Variants in FHIT observed in about 807,000 individuals in gnomAD.
FHIT encodes the protein fragile histidine triad diadenosine triphosphatase.
Under a neutral mutation model 17.9 loss-of-function variants are expected in FHIT, and 19 were observed. That is an observed-to-expected ratio of 1.06 (90% CI 0.74 to 1.56). The LOEUF (loss-of-function observed/expected upper bound fraction) is 1.56, where lower values mean the gene tolerates loss of function less well. Among genes scored for constraint, FHIT ranks in the 40% most tolerant of loss-of-function variants. The pLI is 0.00. For synonymous variants in FHIT, 81 were observed against 69.7 expected (o/e 1.16, Z -0.81); for missense variants, 248 against 189.2 (o/e 1.31, Z -1.82).
chr3:61,037,177 C>A (rs1393856234), intron 3 of FHIT, among the ~76,000 whole-genome samples: 1 of 152,128 alleles, frequency 6.6e-6, no homozygotes, highest in Non-Finnish European at 1.5e-5. Context: ...TCCCAAAGTG[C>A]TCGGATTACA....
intron 5 of FHIT, among the ~76,000 whole-genome samples, chr3:60,433,674 T>C (rs1419505902): frequency 6.6e-6 from 1 of 152,144 alleles, no homozygotes. Context: ...TGATTAGTAA[T>C]GGTGAACATC....
At chr3:60,755,839 C>T (rs1371435137) in intron 4 of FHIT, among the ~76,000 whole-genome samples, 2 of 152,236 alleles carry the variant, frequency 1.3e-5, no homozygotes, top group African/African-American at 4.8e-5. Context: ...TTATTCAGTA[C>T]CTATCAAGAG....
At chr3:60,057,913 G>A (rs1306437833) in intron 5 of FHIT, among the ~76,000 whole-genome samples, 4 of 151,934 alleles carry the variant, frequency 2.6e-5, no homozygotes, top group Non-Finnish European at 5.9e-5. Context: ...CCTTCTTCTT[G>A]GCAATACTCA....
chr3:61,177,081 G>A (rs1009486969), intron 2 of FHIT, among the ~76,000 whole-genome samples: 9 of 151,956 alleles, frequency 5.9e-5, no homozygotes, highest in Non-Finnish European at 1.3e-4. Flanking sequence ...GGAGGCTGAG[G>A]CAGGAGAATG....
At chr3:60,069,408 T>C (rs1375980325) in intron 5 of FHIT, among the ~76,000 whole-genome samples, 1 of 152,184 alleles carries the variant, frequency 6.6e-6, no homozygotes, top group African/African-American at 2.4e-5. Context: ...AAAGTTAAAA[T>C]TTCTAATGTA....
At chr3:60,122,886 A>C (rs1237392843) in intron 5 of FHIT, among the ~76,000 whole-genome samples, 1 of 152,202 alleles carries the variant, frequency 6.6e-6, no homozygotes, top group African/African-American at 2.4e-5. Context: ...TTAAGTCATA[A>C]GGGATCTGAA....
chr3:60,306,209 A>T (rs919153955), intron 5 of FHIT, among the ~76,000 whole-genome samples: 3 of 152,176 alleles, frequency 2.0e-5, no homozygotes, highest in Non-Finnish European at 2.9e-5. Context: ...CTGACTTTTG[A>T]TTAGAACTAG....
At chr3:60,441,754 A>ATGTT (rs1401129617) in intron 5 of FHIT, among the ~76,000 whole-genome samples, 1 of 46,384 alleles carries the variant, frequency 2.2e-5, no homozygotes, top group Non-Finnish European at 4.0e-5. Flanking sequence ...TTATATATAT[A>ATGTT]AAAATATATA....
intron 5 of FHIT, among the ~76,000 whole-genome samples, chr3:60,175,710 C>T (rs995772486): frequency 6.6e-6 from 1 of 152,122 alleles, no homozygotes; most frequent in Admixed American, 6.5e-5. Flanking sequence ...GCAACAAGAA[C>T]ACCTCTACCT....
chr3:60,383,456 G>A (rs1025651748), intron 5 of FHIT, among the ~76,000 whole-genome samples: 2 of 152,010 alleles, frequency 1.3e-5, no homozygotes, highest in African/African-American at 4.8e-5. Context: ...ATAATTGGAG[G>A]TGAGAGTGCT....
At chr3:60,226,484 A>AAACAACAACAAAAAAAAAAAC (rs1412585902) in intron 5 of FHIT, among the ~76,000 whole-genome samples, 1 of 150,952 alleles carries the variant, frequency 6.6e-6, no homozygotes, top group African/African-American at 2.4e-5. Context: ...AAAAAAAAAA[A>AAACAACAACAAAAAAAAAAAC]AAAAAAAAAA....
chr3:60,765,958 G>A (rs1431361851), intron 4 of FHIT, among the ~76,000 whole-genome samples: 1 of 152,108 alleles, frequency 6.6e-6, no homozygotes. Flanking sequence ...TCAGGAACTT[G>A]CAACAGTGGC....
chr3:61,129,097 A>T (rs566477947), intron 2 of FHIT, among the ~76,000 whole-genome samples: 1 of 152,340 alleles, frequency 6.6e-6, no homozygotes, highest in Admixed American at 6.5e-5. Context: ...TTGTAAATAA[A>T]CAATGTCCTT....
chr3:60,500,332 T>C (rs1299933568), intron 5 of FHIT, among the ~76,000 whole-genome samples: 2 of 148,264 alleles, frequency 1.3e-5, no homozygotes, highest in African/African-American at 5.1e-5. Flanking sequence ...GTATATGTTC[T>C]CAAATAAATA....
At chr3:60,299,491 T>C (rs1045621669) in intron 5 of FHIT, among the ~76,000 whole-genome samples, 4 of 152,162 alleles carry the variant, frequency 2.6e-5, no homozygotes, top group Non-Finnish European at 2.9e-5. Flanking sequence ...CATAGAATTC[T>C]AAGTTGACAG....
chr3:60,443,338 T>C (rs1313246888), intron 5 of FHIT, among the ~76,000 whole-genome samples: 14 of 152,262 alleles, frequency 9.2e-5, no homozygotes, highest in African/African-American at 2.6e-4. Flanking sequence ...AGAGGACATC[T>C]CTGTCTTGTG....
intron 4 of FHIT, among the ~76,000 whole-genome samples, chr3:60,595,135 T>G (rs561778506): frequency 6.6e-6 from 1 of 151,892 alleles, no homozygotes; most frequent in Non-Finnish European, 1.5e-5. Flanking sequence ...AAAGGGAGCA[T>G]TACAGATTGA....
At chr3:60,444,959 C>A (rs2031215802) in intron 5 of FHIT, among the ~76,000 whole-genome samples, 1 of 152,042 alleles carries the variant, frequency 6.6e-6, no homozygotes. Flanking sequence ...GGAGAAACTG[C>A]CCAAAGACCC....
chr3:60,575,610 T>C (rs1553657320), intron 4 of FHIT, among the ~76,000 whole-genome samples: 1 of 152,096 alleles, frequency 6.6e-6, no homozygotes, highest in African/African-American at 2.4e-5. Flanking sequence ...ATGTAAGGAA[T>C]AAAGTTTATA....
Sources: gnomAD v4.1 joint callset for allele counts (sites outside exome capture counted in the v4.1 genomes callset) on GRCh38, gnomAD v4.1.1 for gene constraint, MANE v1.5 for transcripts, NCBI Gene and HGNC (gene_info 2026-07-23, HGNC 2026-07-21) for gene names.